Variants in UBQLN1 observed in about 807,000 individuals in gnomAD.
UBQLN1 encodes the protein ubiquilin-1.
A neutral mutation model predicts 65.4 loss-of-function variants in UBQLN1; 13 were observed. That is an observed-to-expected ratio of 0.20 (90% CI 0.13 to 0.32). UBQLN1 has a LOEUF of 0.32. Among genes scored for constraint, UBQLN1 ranks in the 10% least tolerant of loss-of-function variants. The pLI, the probability that UBQLN1 is intolerant of heterozygous loss-of-function variation, is 1.00. For missense variants in UBQLN1, 561 were observed against 724.0 expected, an observed-to-expected ratio of 0.77 and a Z score of 2.58; for synonymous variants, 267 against 247.8, an observed-to-expected ratio of 1.08 and a Z score of -0.73.
intron 1 of UBQLN1, among the ~76,000 whole-genome samples, chr9:83,688,694 C>CT (rs1832079332): frequency 6.6e-6 from 1 of 151,976 alleles, no homozygotes; most frequent in Non-Finnish European, 1.5e-5. Flanking sequence ...AACCCCGTCT[C>CT]TACTAAAAAT....
rs531996152 is a variant in UBQLN1 at position 83,661,414 on chromosome 9, G to C, written c.*373C>G. 1 of 173,130 alleles carries C rather than the reference G, an allele frequency of 5.8e-6. No homozygotes were observed. Among genetic ancestry groups the C allele is most frequent in the African/African-American group, 2.4e-5 (1 of 41,804 alleles). 10.7% of individuals were successfully genotyped at this position (173,130 alleles called of 1,614,324 possible). A position where few individuals can be genotyped will look rare whatever the true frequency, so the allele number is the denominator to read the frequency against. On this transcript the variant is annotated 3_prime_UTR_variant, in exon 11 of 11. Transcript: ENST00000376395. ...GCAATACTGTACCACAAATTATAGA[G>C]TGCAAATGATTTGCTTCTTTTTAAT...
chr9:83,669,095 C>A, intron 7 of UBQLN1, 90 bp downstream of exon 7: 2 of 1,458,850 alleles, frequency 1.4e-6, no homozygotes, highest in South Asian at 1.4e-5. Context: ...AGATATCATA[C>A]ACAACACAAA....
At chr9:83,670,311 C>A (rs1180231467) in intron 6 of UBQLN1, among the ~76,000 whole-genome samples, 1 of 152,030 alleles carries the variant, frequency 6.6e-6, no homozygotes, top group Non-Finnish European at 1.5e-5. Context: ...ACTTATCTTT[C>A]TAGTTTATTA....
Position 83,696,464 on chromosome 9 carries a change from T to A in UBQLN1, c.181-10309A>T, listed in dbSNP as rs1052646672. ...GTCTCTATAAAAACAAACAAAAAAA[T>A]TTTAAAAAAAAACCCAATAAGAAAA... On this transcript the variant is annotated intron_variant, in intron 1 of 10. Transcript: ENST00000376395. Among the ~76,000 whole-genome samples, 9 of 151,790 alleles carry A rather than the reference T, an allele frequency of 5.9e-5. No homozygotes were observed. The East Asian group carries it at 7.7e-4, about 13-fold the overall frequency.
chr9:83,679,862 T>C lies in UBQLN1; in HGVS notation c.624A>G (p.Leu208=), dbSNP rs746552433. Residue 208 remains leucine (L), a synonymous_variant, in exon 4 of 11, where the codon TTA becomes TTG. Coordinates refer to ENST00000376395, the MANE Select transcript of UBQLN1 (RefSeq NM_013438.5). ...MLSNPDLMRQ[L]IMANPQMQQL... is the part of the protein sequence containing the mutation. ...GCTGCATTTGTGGATTGGCCATAAT[T>C]AACTGTCTCATCAGGTCAGGATTTG... The C allele has an allele frequency of 6.2e-7, 1 of 1,614,218 alleles. No individual in the cohort carries two copies. Among genetic ancestry groups the C allele is most frequent in the Non-Finnish European group, 8.5e-7 (1 of 1,180,032 alleles).
chr9:83,679,012 C>T (rs41308878), intron 4 of UBQLN1, among the ~76,000 whole-genome samples: 21,242 of 152,128 alleles, frequency 0.14, 1,739 homozygotes, highest in Middle Eastern at 0.26. Context: ...TGAGCCACCG[C>T]GCCCGGCCAG....
Position 83,661,733 on chromosome 9 carries a change from T to C in UBQLN1, c.*54A>G. 6.5e-7 allele frequency: 1 copy of C among 1,546,454 alleles called. No individual in the cohort carries two copies. Among genetic ancestry groups the C allele is most frequent in the Non-Finnish European group, 8.7e-7 (1 of 1,144,030 alleles). On this transcript the variant is annotated 3_prime_UTR_variant, in exon 11 of 11. Coordinates refer to ENST00000376395, the MANE Select transcript of UBQLN1 (RefSeq NM_013438.5). ...ATGAAATAAAGCAGGTATTTTAAAGTTTAAGAGCCGTTATCAAAAATAAAT... is the reference window on the plus strand; with the variant it reads ...ATGAAATAAAGCAGGTATTTTAAAGCTTAAGAGCCGTTATCAAAAATAAAT...
intron 10 of UBQLN1, among the ~76,000 whole-genome samples, chr9:83,663,462 G>A (rs1831595086): frequency 6.6e-6 from 1 of 152,110 alleles, no homozygotes; most frequent in South Asian, 2.1e-4. Context: ...AGGTAGTTAG[G>A]ACTTTTTTCC....
At chr9:83,666,891 T>C (rs1470886790) in intron 7 of UBQLN1, 1 of 153,568 alleles carries the variant, frequency 6.5e-6, no homozygotes, top group Non-Finnish European at 1.5e-5. Flanking sequence ...AATCTAGATC[T>C]GAAAAGGACC....
chr9:83,680,335 A>G (rs1831919801), intron 3 of UBQLN1, among the ~76,000 whole-genome samples: 1 of 152,074 alleles, frequency 6.6e-6, no homozygotes, highest in African/African-American at 2.4e-5. Context: ...AAACTTTGGA[A>G]TTTTCTGAGT....
chr9:83,675,569 G>A (rs1026385820), intron 6 of UBQLN1, among the ~76,000 whole-genome samples: 3 of 152,058 alleles, frequency 2.0e-5, no homozygotes, highest in Admixed American at 2.0e-4. Context: ...AGACCTCAAT[G>A]CAAATGCAAA....
At chr9:83,676,649 CATTA>C (rs1254033947) in intron 6 of UBQLN1, among the ~76,000 whole-genome samples, 1 of 152,116 alleles carries the variant, frequency 6.6e-6, no homozygotes, top group African/African-American at 2.4e-5. Flanking sequence ...CAACTGTGAT[CATTA>C]ATTACTCTTC....
At chr9:83,689,891 T>C (rs975197310) in intron 1 of UBQLN1, among the ~76,000 whole-genome samples, 3 of 151,934 alleles carry the variant, frequency 2.0e-5, no homozygotes, top group African/African-American at 7.3e-5. Context: ...AAAAATGAAA[T>C]CCTTTTCATT....
In UBQLN1 at chr9:83,661,751, A is replaced by T. The variant is rs1352162000; in HGVS notation, c.*36T>A. The T allele has an allele frequency of 6.4e-7, 1 of 1,567,828 alleles. No homozygotes were observed. Among genetic ancestry groups the T allele is most frequent in the Non-Finnish European group, 8.6e-7 (1 of 1,158,318 alleles). On this transcript the variant is annotated 3_prime_UTR_variant, in exon 11 of 11. Transcript: ENST00000376395. ...TTTAAAGTTTAAGAGCCGTTATCAA[A>T]AATAAATTACATTTTTTCAAGATAC... is the stretch of plus-strand genomic sequence containing the variant.
chr9:83,668,781 T>A (rs142102641), intron 7 of UBQLN1: 111 of 311,068 alleles, frequency 3.6e-4, no homozygotes, highest in African/African-American at 2.4e-3. Flanking sequence ...ATTCTGAGCA[T>A]GACTATTATA....
chr9:83,702,431 T>C (rs1832324574), intron 1 of UBQLN1, among the ~76,000 whole-genome samples: 1 of 152,188 alleles, frequency 6.6e-6, no homozygotes, highest in African/African-American at 2.4e-5. Flanking sequence ...ACATTTTTTT[T>C]CTCAGATATC....
At position 83,669,230 on chromosome 9, in the gene UBQLN1, T is replaced by A. The variant is rs780351448; in HGVS notation, c.1203A>T (p.Arg401Ser). The A allele has an allele frequency of 6.2e-7, 1 of 1,611,994 alleles. No homozygotes were observed. Among genetic ancestry groups the A allele is most frequent in the Non-Finnish European group, 8.5e-7 (1 of 1,179,670 alleles). Residue 401 changes from arginine to serine, a missense_variant, in exon 7 of 11, where the codon AGA becomes AGT. Arg to Ser is a moderately radical substitution (Grantham distance 110). Transcript: ENST00000376395. ...TCTGGCTTAGTGACTGCATCATGCT[T>A]CTCATGTAGGGGGCAGACAACATGT... ...MQNMLSAPYM[R>S]SMMQSLSQNP...
At chr9:83,668,333 T>A in intron 7 of UBQLN1, 1 of 985,384 alleles carries the variant, frequency 1.0e-6, no homozygotes, top group Non-Finnish European at 1.2e-6. Flanking sequence ...ATTTAAGGGA[T>A]GAGATTAACT....
chr9:83,667,399 C>A, intron 7 of UBQLN1: 1 of 640,130 alleles, frequency 1.6e-6, no homozygotes, highest in Non-Finnish European at 1.9e-6. Flanking sequence ...AAGAAGTTAA[C>A]CGTATTTAAG....
Sources: gnomAD v4.1 joint callset for allele counts (sites outside exome capture counted in the v4.1 genomes callset) on GRCh38, gnomAD v4.1.1 for gene constraint, MANE v1.5 for transcripts, NCBI Gene and HGNC (gene_info 2026-07-23, HGNC 2026-07-21) for gene names.